ODAD2: variants seen among roughly 807,000 people sequenced by gnomAD.
ODAD2 encodes outer dynein arm-docking complex subunit 2.
Under a neutral mutation model 106.8 loss-of-function variants are expected in ODAD2, and 89 were observed. The observed-to-expected ratio is 0.83, with a 90% CI of 0.70 to 0.99. The LOEUF (loss-of-function observed/expected upper bound fraction) is 0.99. ODAD2 is among the 50% of genes least tolerant of loss of function. ODAD2 has a pLI of 0.00. For synonymous variants in ODAD2, 404 were observed against 436.2 expected, an observed-to-expected ratio of 0.93 and a Z score of 0.92; for missense variants, 1,168 against 1,238.5, an observed-to-expected ratio of 0.94 and a Z score of 0.85.
At chr10:27,920,286 C>A (rs74127151) in intron 16 of ODAD2, among the ~76,000 whole-genome samples, 10,411 of 152,040 alleles carry the variant, frequency 0.068, 1,134 homozygotes, top group African/African-American at 0.23. Context: ...GTATAGTTTA[C>A]AAATTAAAAA....
intron 17 of ODAD2, among the ~76,000 whole-genome samples, chr10:27,902,971 C>T (rs1262975137): frequency 6.6e-6 from 1 of 152,084 alleles, no homozygotes; most frequent in African/African-American, 2.4e-5. Context: ...ATCCCCATAC[C>T]AAAACCTGGC....
At chr10:27,984,155 C>A (rs749701787) in intron 5 of ODAD2, 29 bp downstream of exon 5, 1 of 1,553,100 alleles carries the variant, frequency 6.4e-7, no homozygotes, top group Non-Finnish European at 8.9e-7. Flanking sequence ...ATGTAAATAA[C>A]ATAAAATGAG....
At position 27,960,938 on chromosome 10, in the gene ODAD2, C is replaced by G. The variant is rs1848093753; in HGVS notation, c.1386+630G>C. On this transcript the variant is annotated intron_variant, in intron 10 of 19. Transcript: ENST00000305242. ...AATATTAAGCTGGGTTTTGGTGAGC[C>G]ATTCCCCTTGCCCTCCTGCAAATTC... 2.0e-5 allele frequency among the ~76,000 whole-genome samples: 3 copies of G among 152,146 alleles called. No homozygotes were observed. In the South Asian group the frequency reaches 6.2e-4, roughly 32 times the overall value.
intron 17 of ODAD2, among the ~76,000 whole-genome samples, chr10:27,890,075 G>C (rs1008880257): frequency 3.9e-5 from 6 of 152,134 alleles, no homozygotes; most frequent in African/African-American, 1.4e-4. Context: ...CAAAAAAATG[G>C]AGCAAGTACA....
chr10:27,922,078 G>A lies in ODAD2; in HGVS notation c.2495+12932C>T, dbSNP rs547187202. Among the ~76,000 whole-genome samples the A allele has an allele frequency of 9.6e-5, 14 of 145,156 alleles. No individual in the cohort carries two copies. In the South Asian group the frequency reaches 2.8e-3, roughly 29 times the overall value. ...GGCACTTGGTAGGCTGAGGTGGAAG[G>A]ATATCTTGAGCCCAGAAGGTCAAGG... On this transcript the variant is annotated intron_variant, in intron 16 of 19. Coordinates refer to ENST00000305242, the MANE Select transcript of ODAD2 (RefSeq NM_018076.5).
At chr10:27,912,862 A>G (rs1844105451) in intron 16 of ODAD2, among the ~76,000 whole-genome samples, 1 of 152,134 alleles carries the variant, frequency 6.6e-6, no homozygotes, top group South Asian at 2.1e-4. Context: ...CCTGGGAAAA[A>G]CAGATTAGAA....
intron 17 of ODAD2, among the ~76,000 whole-genome samples, chr10:27,880,688 C>G (rs1000844698): frequency 1.7e-4 from 26 of 152,178 alleles, no homozygotes; most frequent in African/African-American, 6.3e-4. Flanking sequence ...GAGGACACAG[C>G]AACCAAGTGC....
At chr10:27,814,929 A>G (rs1331329623) in intron 19 of ODAD2, among the ~76,000 whole-genome samples, 2 of 152,218 alleles carry the variant, frequency 1.3e-5, no homozygotes, top group Non-Finnish European at 2.9e-5. Context: ...TTCACTGCCC[A>G]GCAATCAAAA....
intron 19 of ODAD2, among the ~76,000 whole-genome samples, chr10:27,843,405 A>G (rs186231996): frequency 6.6e-6 from 1 of 152,214 alleles, no homozygotes; most frequent in Non-Finnish European, 1.5e-5. Flanking sequence ...ATAACTGGGT[A>G]AAAAAGCAAC....
intron 17 of ODAD2, among the ~76,000 whole-genome samples, chr10:27,865,169 C>T (rs937801809): frequency 1.3e-5 from 2 of 152,160 alleles, no homozygotes; most frequent in Non-Finnish European, 2.9e-5. Flanking sequence ...CCTGCCTTGA[C>T]ACCTCTTCTC....
chr10:27,875,749 T>C (rs1841290072), intron 17 of ODAD2, among the ~76,000 whole-genome samples: 1 of 152,130 alleles, frequency 6.6e-6, no homozygotes, highest in Non-Finnish European at 1.5e-5. Context: ...GGGCAAGGCA[T>C]TGCCTCACCC....
chr10:27,901,069 T>G (rs1843167408), intron 17 of ODAD2, among the ~76,000 whole-genome samples: 1 of 152,176 alleles, frequency 6.6e-6, no homozygotes, highest in South Asian at 2.1e-4. Flanking sequence ...GAGAGAAATG[T>G]TGGGTTACCC....
rs756624052 is a variant in ODAD2, at chr10:27,907,680, A to G, written c.2593T>C (p.Cys865Arg). ...KASAAWALCP[C>R]IKNAKDAGEM... ...GTTCTTACCTTTGCATTTTTGATGCATGGACAGAGTGCCCATGCTGCGCTG... is the reference window on the plus strand; with the variant it reads ...GTTCTTACCTTTGCATTTTTGATGCGTGGACAGAGTGCCCATGCTGCGCTG... The change falls in exon 17 of 20, where the codon TGC becomes CGC. Residue 865 changes from cysteine (C) to arginine (R), a missense_variant. Around this residue, in one of 3 missense-constraint regions of ODAD2, gnomAD observed 701 missense variants for 712.3 expected, o/e 0.98. Coordinates refer to ENST00000305242, the MANE Select transcript of ODAD2 (RefSeq NM_018076.5). 160 of 1,613,512 alleles carry G rather than the reference A, an allele frequency of 9.9e-5. No homozygotes were observed. Among genetic ancestry groups the G allele is most frequent in the Non-Finnish European group, 1.2e-4 (143 of 1,179,684 alleles).
At chr10:27,831,695 C>A (rs908444520) in intron 19 of ODAD2, among the ~76,000 whole-genome samples, 5 of 152,244 alleles carry the variant, frequency 3.3e-5, no homozygotes, top group African/African-American at 1.2e-4. Flanking sequence ...GCTGGCCTGG[C>A]CTCATTCTTG....
At chr10:27,836,875 G>A (rs1837932835) in intron 19 of ODAD2, among the ~76,000 whole-genome samples, 1 of 152,050 alleles carries the variant, frequency 6.6e-6, no homozygotes. Context: ...AAACACAGAG[G>A]ACTTATTTCA....
chr10:27,854,059 A>G (rs1327141774), intron 19 of ODAD2, among the ~76,000 whole-genome samples: 1 of 152,218 alleles, frequency 6.6e-6, no homozygotes, highest in Non-Finnish European at 1.5e-5. Flanking sequence ...CAACCTAATT[A>G]AAAAGTGGTC....
intron 10 of ODAD2, chr10:27,958,994 ACCGGG>A (rs1847920564): frequency 7.7e-7 from 1 of 1,303,248 alleles, no homozygotes; most frequent in African/African-American, 1.5e-5. Flanking sequence ...AAGATAATGG[ACCGGG>A]ACTCTTGGGA....
chr10:27,897,073 A>G (rs898388515), intron 17 of ODAD2, among the ~76,000 whole-genome samples: 2 of 152,150 alleles, frequency 1.3e-5, no homozygotes, highest in Non-Finnish European at 2.9e-5. Context: ...GGGGTAAATA[A>G]TACTGTTGAA....
chr10:27,846,742 A>G (rs1838795091), intron 19 of ODAD2, among the ~76,000 whole-genome samples: 1 of 148,848 alleles, frequency 6.7e-6, no homozygotes, highest in Non-Finnish European at 1.5e-5. Flanking sequence ...CAAAGGGGAT[A>G]TCACCACCGA....
Sources: gnomAD v4.1 joint callset for allele counts (sites outside exome capture counted in the v4.1 genomes callset) on GRCh38, gnomAD v4.1.1 for gene constraint, gnomAD v4.1.1 regional missense constraint, MANE v1.5 for transcripts, NCBI Gene and HGNC (gene_info 2026-07-23, HGNC 2026-07-21) for gene names.